The following CPS1 variants were observed in gnomAD, a reference collection of about 807,000 sequenced individuals.
CPS1 encodes the protein carbamoyl-phosphate synthase [ammonia], mitochondrial.
In CPS1, 109 loss-of-function variants were observed where a neutral mutation model predicts 174.6. The ratio of observed to expected loss-of-function variants is 0.62; its 90% CI spans 0.53 to 0.73. CPS1 has a LOEUF of 0.73. Ranked by LOEUF, CPS1 falls within the 30% of genes least tolerant of loss-of-function variation. The pLI, the probability that CPS1 is intolerant of heterozygous loss-of-function variation, is 0.00. For synonymous variants in CPS1, 637 were observed against 632.0 expected (o/e 1.01, Z -0.12); for missense variants, 1,689 against 1,821.9 (o/e 0.93, Z 1.33).
At chr2:210,555,726 G>A, upstream of CPS1, 1 of 452,494 alleles carries the variant, frequency 2.2e-6, no homozygotes, top group Non-Finnish European at 4.4e-6. Context: ...AGTACTTCCT[G>A]TTCTACATAG....
chr2:210,554,733 C>G (rs1048985895), upstream of CPS1, among the ~76,000 whole-genome samples: 1 of 150,876 alleles, frequency 6.6e-6, no homozygotes, highest in Non-Finnish European at 1.5e-5. Context: ...TACCCTAAAA[C>G]TTAAAGTATA....
At position 210,577,406 on chromosome 2, in the gene CPS1, T is replaced by C; in HGVS notation, c.382-15T>C. 1 of 1,595,690 alleles carries C rather than the reference T, an allele frequency of 6.3e-7. No homozygotes were observed. Among genetic ancestry groups the C allele is most frequent in the Non-Finnish European group, 8.6e-7 (1 of 1,163,286 alleles). On this transcript the variant is annotated splice_polypyrimidine_tract_variant and intron_variant, in intron 3 of 37. Transcript: ENST00000233072. ...CTTGTGATAACCTCTTTAAAATGAC[T>C]GTCTGTCTTTCTAGGTTTCAGGTTT... is the stretch of plus-strand genomic sequence containing the variant.
At chr2:210,569,774 T>A (rs1350207581) in intron 1 of CPS1, among the ~76,000 whole-genome samples, 1 of 152,038 alleles carries the variant, frequency 6.6e-6, no homozygotes, top group Non-Finnish European at 1.5e-5. Context: ...CTCACATTTA[T>A]ATAATCCTTT....
chr2:210,593,018 C>T (rs1574564694), intron 11 of CPS1, 62 bp downstream of exon 11: 14 of 1,417,964 alleles, frequency 9.9e-6, no homozygotes, highest in East Asian at 9.1e-5. Flanking sequence ...TGTGGAAATT[C>T]GAGAAACCAA....
Position 210,595,732 on chromosome 2 carries a change from A to G in CPS1, c.1359+150A>G, listed in dbSNP as rs1019394570. 1.4e-5 allele frequency: 9 copies of G among 661,862 alleles called. No homozygotes were observed. The African/African-American group carries it at 1.6e-4, about 12-fold the overall frequency. 41.0% of individuals were successfully genotyped at this position (661,862 alleles called of 1,614,324 possible). ...GCCTTTATAAATCTTGTATTAAAGA[A>G]GCTTGATCACGAGCAAGAATTTCAA... On this transcript the variant is annotated intron_variant, in intron 13 of 37. Transcript: ENST00000233072.
chr2:210,543,014 T>A (rs1021011828), intron 1 of CPS1, among the ~76,000 whole-genome samples: 1 of 152,088 alleles, frequency 6.6e-6, no homozygotes, highest in Non-Finnish European at 1.5e-5. Flanking sequence ...CATGCCCCTA[T>A]AATGGATTAA....
At chr2:210,490,768 T>C (rs575089300) in intron 1 of CPS1, among the ~76,000 whole-genome samples, 23 of 152,258 alleles carry the variant, frequency 1.5e-4, no homozygotes, top group Non-Finnish European at 3.1e-4. Context: ...ATCTAAAATA[T>C]GAACCCCATG....
At position 210,602,337 on chromosome 2, in the gene CPS1, A is replaced by T; in HGVS notation, c.1836+7A>T. ...GATGGACCTCAGCACAAAGGTATGT[A>T]TTTTTGTAGACAATATTCTTACCAA... On this transcript the variant is annotated splice_region_variant and intron_variant, in intron 16 of 37. Transcript: ENST00000233072. 6.2e-7 allele frequency: 1 copy of T among 1,612,338 alleles called. No individual in the cohort carries two copies. Among genetic ancestry groups the T allele is most frequent in the Non-Finnish European group, 8.5e-7 (1 of 1,178,878 alleles).
At position 210,592,901 on chromosome 2, in the gene CPS1, C is replaced by A. The variant is rs149107897; in HGVS notation, c.1109C>A (p.Pro370His). The A allele has an allele frequency of 5.0e-6, 8 of 1,612,400 alleles. No individual in the cohort carries two copies. The highest frequency in any genetic ancestry group is 1.1e-5 in the South Asian group (1 of 91,036). Residue 370 changes from proline (P) to histidine (H), a missense_variant, in exon 11 of 38, where the codon CCC (proline) becomes CAC (histidine). Transcript: ENST00000233072. ...TNEGIMHESK[P>H]FFAVQFHPEV... Reference sequence around the variant, plus strand: ...TAGGGGATTATGCATGAGAGCAAACCCTTCTTCGCTGTGCAGTTCCACCCA... The same window carrying A: ...TAGGGGATTATGCATGAGAGCAAACACTTCTTCGCTGTGCAGTTCCACCCA...
At chr2:210,587,378 T>C (rs1698144506) in intron 6 of CPS1, among the ~76,000 whole-genome samples, 1 of 152,042 alleles carries the variant, frequency 6.6e-6, no homozygotes, top group South Asian at 2.1e-4. Flanking sequence ...TTTATGACTT[T>C]GGGGAGCTGC....
intron 1 of CPS1, among the ~76,000 whole-genome samples, chr2:210,495,174 T>G (rs1694961508): frequency 6.6e-6 from 1 of 152,238 alleles, no homozygotes; most frequent in African/African-American, 2.4e-5. Context: ...TTCATTCTTT[T>G]TTATGGTTTA....
At chr2:210,562,234 G>A (rs1006857401) in intron 1 of CPS1, among the ~76,000 whole-genome samples, 2 of 152,100 alleles carry the variant, frequency 1.3e-5, no homozygotes, top group African/African-American at 4.8e-5. Context: ...AAACATAAAA[G>A]TACTTAAGTA....
chr2:210,477,994 T>C (rs1694449636), intron 1 of CPS1, among the ~76,000 whole-genome samples: 1 of 152,236 alleles, frequency 6.6e-6, no homozygotes, highest in Non-Finnish European at 1.5e-5. Flanking sequence ...TATCTTATTT[T>C]ACTAATCCTT....
intron 19 of CPS1, among the ~76,000 whole-genome samples, chr2:210,611,558 A>G (rs530031771): frequency 3.0e-4 from 46 of 152,022 alleles, no homozygotes; most frequent in African/African-American, 9.6e-4. Context: ...TTTGTCACAG[A>G]AAGTTTAGTC....
chr2:210,648,082 T>G, intron 26 of CPS1, 25 bp downstream of exon 26: 1 of 1,609,356 alleles, frequency 6.2e-7, no homozygotes, highest in Non-Finnish European at 8.5e-7. Flanking sequence ...AAGTATCTGT[T>G]TCTAATGTTC....
At position 210,582,637 on chromosome 2, in the gene CPS1, T is replaced by C; in HGVS notation, c.549T>C (p.Ile183=). 6.2e-7 allele frequency: 1 copy of C among 1,613,228 alleles called. No individual in the cohort carries two copies. Among genetic ancestry groups the C allele is most frequent in the South Asian group, 1.1e-5 (1 of 91,060 alleles). ...IRDKGTMLGK[I]EFEGQPVDFV... ...GATAGGGTACCATGCTTGGGAAGAT[T>C]GAATTTGAAGGTCAGCCTGTGGATT... Residue 183 remains isoleucine, a synonymous_variant, in exon 6 of 38, where the codon ATT becomes ATC. Coordinates refer to ENST00000233072, the MANE Select transcript of CPS1 (RefSeq NM_001875.5).
At chr2:210,668,075 C>CGTGT (rs1559137228) in intron 33 of CPS1, 111 bp from the exon 34 acceptor site, 13 of 446,002 alleles carry the variant, frequency 2.9e-5, no homozygotes, top group Non-Finnish European at 4.5e-5. Flanking sequence ...TTTGTGCGTG[C>CGTGT]ATGTGTGTGT....
At chr2:210,558,766 C>T (rs954098375) in intron 1 of CPS1, among the ~76,000 whole-genome samples, 2 of 152,026 alleles carry the variant, frequency 1.3e-5, no homozygotes, top group East Asian at 1.9e-4. Context: ...ATCACAACCA[C>T]GACAAAATGG....
At chr2:210,652,327 T>C (rs543632765) in intron 28 of CPS1, among the ~76,000 whole-genome samples, 1 of 152,300 alleles carries the variant, frequency 6.6e-6, no homozygotes, top group African/African-American at 2.4e-5. Context: ...ATATTTTTTA[T>C]TTTAAAAAGA....
Sources: gnomAD v4.1 joint callset for allele counts (sites outside exome capture counted in the v4.1 genomes callset) on GRCh38, gnomAD v4.1.1 for gene constraint, MANE v1.5 for transcripts, NCBI Gene and HGNC (gene_info 2026-07-23, HGNC 2026-07-21) for gene names.